The following HADH variants were observed in gnomAD, a reference collection of about 807,000 sequenced individuals.
HADH encodes hydroxyacyl-CoA dehydrogenase, also known as hydroxyacyl-coenzyme A dehydrogenase, mitochondrial.
A neutral mutation model predicts 32.2 loss-of-function variants in HADH; 24 were observed. That is an observed-to-expected ratio of 0.75 (90% CI 0.54 to 1.05). The LOEUF is 1.05. HADH is among the 50% of genes least tolerant of loss of function. HADH has a pLI of 0.00. For missense variants in HADH, 350 were observed against 397.1 expected, an observed-to-expected ratio of 0.88 and a Z score of 1.01; for synonymous variants, 139 against 152.5, an observed-to-expected ratio of 0.91 and a Z score of 0.65.
chr4:108,021,838 C>T (rs915256277), intron 4 of HADH, among the ~76,000 whole-genome samples: 1 of 152,196 alleles, frequency 6.6e-6, no homozygotes, highest in Non-Finnish European at 1.5e-5. Context: ...TCGTCCTGCT[C>T]CTCTTCTCCA....
intron 1 of HADH, among the ~76,000 whole-genome samples, chr4:107,996,827 G>A (rs1734970957): frequency 6.6e-6 from 1 of 151,730 alleles, no homozygotes; most frequent in Admixed American, 6.6e-5. Context: ...CCAGGAGGCG[G>A]AGGATGCAGT....
Position 108,028,901 on chromosome 4 carries a change from C to T in HADH, c.709+1141C>T, listed in dbSNP as rs147513037. 1.3e-4 allele frequency: 50 copies of T among 398,584 alleles called. 1 individual carries two copies. The East Asian group carries it at 1.7e-3, about 13-fold the overall frequency. The allele number at this position is 398,584 out of a possible 1,614,324, so 24.7% of individuals were successfully genotyped here. A position where few individuals can be genotyped will look rare whatever the true frequency, so the allele number is the denominator to read the frequency against. ...TGAAAGCCCTCTTCTTGTCTGTGGT[C>T]CCTTTCTGCATAGGTGCATGCCCTT... On this transcript the variant is annotated intron_variant, in intron 6 of 7. Transcript: ENST00000309522.
In HADH at chr4:108,023,442, T is replaced by A. The variant is rs368437412; in HGVS notation, c.547-32T>A. 5 of 1,346,424 alleles carry A rather than the reference T, an allele frequency of 3.7e-6. No homozygotes were observed. The African/African-American group carries it at 4.3e-5, about 12-fold the overall frequency. 83.4% of individuals were successfully genotyped at this position (1,346,424 alleles called of 1,614,324 possible). On this transcript the variant is annotated intron_variant, in intron 4 of 7. Transcript: ENST00000309522. ...TTCTACCGAAGTTGCTTGCTGACAC[T>A]CTGGTCATAATTCTCTGCTTTGCAT...
At chr4:108,013,794 G>A (rs1378317940) in intron 2 of HADH, among the ~76,000 whole-genome samples, 6 of 151,922 alleles carry the variant, frequency 3.9e-5, no homozygotes, top group Non-Finnish European at 1.5e-5. Flanking sequence ...GATATATTGG[G>A]TTAAATAACA....
At chr4:108,009,975 TTC>T in intron 2 of HADH, 88 bp downstream of exon 2, 9 of 827,774 alleles carry the variant, frequency 1.1e-5, no homozygotes, top group South Asian at 3.2e-5. Context: ...CTTTCTTTCT[TTC>T]TTTTTTTTTT....
At chr4:108,010,898 C>T (rs998255779) in intron 2 of HADH, among the ~76,000 whole-genome samples, 1 of 146,200 alleles carries the variant, frequency 6.8e-6, no homozygotes, top group African/African-American at 2.6e-5. Context: ...TGTCACCAGG[C>T]TGGAGTGCAG....
intron 1 of HADH, among the ~76,000 whole-genome samples, chr4:108,000,111 A>G (rs574755965): frequency 3.0e-4 from 45 of 152,318 alleles, no homozygotes; most frequent in African/African-American, 1.0e-3. Context: ...TGACAACCTG[A>G]AGTGGATGAT....
chr4:108,011,183 A>G (rs1735482253), intron 2 of HADH, among the ~76,000 whole-genome samples: 1 of 152,150 alleles, frequency 6.6e-6, no homozygotes, highest in Non-Finnish European at 1.5e-5. Context: ...ATTCCACTGG[A>G]TTATTATCAT....
chr4:107,992,880 T>A (rs1323596517), intron 1 of HADH, among the ~76,000 whole-genome samples: 1 of 152,150 alleles, frequency 6.6e-6, no homozygotes, highest in African/African-American at 2.4e-5. Context: ...TTTGGGAGGC[T>A]GAGGGGGGCA....
intron 1 of HADH, among the ~76,000 whole-genome samples, chr4:108,006,148 G>A (rs1341965495): frequency 6.6e-6 from 1 of 152,226 alleles, no homozygotes; most frequent in East Asian, 1.9e-4. Context: ...GTCCCAGGCA[G>A]GAGGCCTGGT....
intron 5 of HADH, 85 bp downstream of exon 5, chr4:108,023,648 TG>T (rs1735967913): frequency 1.2e-6 from 1 of 859,518 alleles, no homozygotes; most frequent in Non-Finnish European, 2.0e-6. Context: ...TCTCATAGAA[TG>T]ATGTGAAAGA....
intron 6 of HADH, chr4:108,032,232 A>T: frequency 1.5e-6 from 1 of 682,360 alleles, no homozygotes; most frequent in Non-Finnish European, 2.6e-6. Flanking sequence ...AAGAAAGGGA[A>T]CAGATTGTTC....
chr4:107,999,423 C>G (rs532377045), intron 1 of HADH, among the ~76,000 whole-genome samples: 1 of 152,328 alleles, frequency 6.6e-6, no homozygotes, highest in East Asian at 1.9e-4. Flanking sequence ...CAGAGAGAGA[C>G]TTTAGTGGCA....
intron 1 of HADH, among the ~76,000 whole-genome samples, chr4:108,002,172 C>A (rs928208190): frequency 1.4e-4 from 22 of 152,172 alleles, no homozygotes; most frequent in African/African-American, 5.3e-4. Flanking sequence ...GCAGGGGTCC[C>A]CAACTTCTGG....
chr4:108,019,536 AC>A lies in HADH; in HGVS notation c.420-3del. 6.2e-7 allele frequency: 1 copy of A among 1,613,366 alleles called. No individual in the cohort carries two copies. Among genetic ancestry groups the A allele is most frequent in the East Asian group, 2.2e-5 (1 of 44,872 alleles). ...GATACTCCCACTATATTTTCTCTTCACAGACATACAATCTTTGCCAGCAACA... is the reference window on the plus strand; with the variant it reads ...GATACTCCCACTATATTTTCTCTTCAAGACATACAATCTTTGCCAGCAACA... On this transcript the variant is annotated splice_region_variant and splice_polypyrimidine_tract_variant and intron_variant, in intron 3 of 7. Coordinates refer to ENST00000309522, the MANE Select transcript of HADH (RefSeq NM_005327.7).
At chr4:108,004,140 C>T (rs1230637110) in intron 1 of HADH, among the ~76,000 whole-genome samples, 1 of 152,140 alleles carries the variant, frequency 6.6e-6, no homozygotes, top group Non-Finnish European at 1.5e-5. Flanking sequence ...ATGTGCCTTC[C>T]CCAAAGGCAG....
chr4:108,022,240 A>C (rs6533339), intron 4 of HADH, among the ~76,000 whole-genome samples: 130,087 of 150,066 alleles, frequency 0.87, 57,335 homozygotes, highest in East Asian at 0.97. Flanking sequence ...TGAATGAATG[A>C]GTGAATAAAC....
intron 2 of HADH, among the ~76,000 whole-genome samples, chr4:108,012,260 GA>G (rs1157073713): frequency 6.6e-6 from 1 of 152,072 alleles, no homozygotes; most frequent in Non-Finnish European, 1.5e-5. Context: ...TGATGGTGGA[GA>G]TAATTTTACC....
chr4:108,024,618 T>G (rs909616714), intron 5 of HADH: 2 of 152,160 alleles, frequency 1.3e-5, no homozygotes, highest in Non-Finnish European at 2.9e-5. Flanking sequence ...TTTTTGTTTG[T>G]TTGGTTCTGT....
Sources: gnomAD v4.1 joint callset for allele counts (sites outside exome capture counted in the v4.1 genomes callset) on GRCh38, gnomAD v4.1.1 for gene constraint, MANE v1.5 for transcripts, NCBI Gene and HGNC (gene_info 2026-07-23, HGNC 2026-07-21) for gene names.